The following PRKCH variants were observed in gnomAD, a reference collection of about 807,000 sequenced individuals.
PRKCH encodes protein kinase C eta.
PRKCH carries 28 observed loss-of-function variants against 82.5 expected under a neutral mutation model. That is an observed-to-expected ratio of 0.34 (90% CI 0.25 to 0.47). The LOEUF is 0.47. Among genes scored for constraint, PRKCH ranks in the 20% least tolerant of loss-of-function variants. The pLI is 1.00. For missense variants in PRKCH, 705 were observed against 881.8 expected (o/e 0.80, Z 2.54); for synonymous variants, 322 against 327.4 (o/e 0.98, Z 0.18).
intron 10 of PRKCH, among the ~76,000 whole-genome samples, chr14:61,503,392 C>T (rs906770752): frequency 2.6e-5 from 4 of 151,808 alleles, no homozygotes; most frequent in Non-Finnish European, 1.5e-5. Context: ...TGAGGTCTGC[C>T]ACATATGCCG....
chr14:61,237,834 A>T (rs2044803942), intron 1 of PRKCH, among the ~76,000 whole-genome samples: 1 of 152,226 alleles, frequency 6.6e-6, no homozygotes, highest in Admixed American at 6.5e-5. Context: ...CATCTTGGGC[A>T]CTTGCGGTCA....
Position 61,477,508 on chromosome 14 carries a change from G to C in PRKCH, c.1279-7994G>C, listed in dbSNP as rs557155350. On this transcript the variant is annotated intron_variant, in intron 9 of 13. Coordinates refer to ENST00000332981, the MANE Select transcript of PRKCH (RefSeq NM_006255.5). ...ATCTTTGCAATCTGGTTCTGAGATT[G>C]AATCAACTTTATAGAAAGGAAGAAT... Among the ~76,000 whole-genome samples, 8 of 152,240 alleles carry C rather than the reference G, an allele frequency of 5.3e-5. No individual in the cohort carries two copies. In the South Asian group the frequency reaches 1.4e-3, roughly 28 times the overall value.
At chr14:61,209,281 A>G (rs2044550892) in intron 1 of PRKCH, among the ~76,000 whole-genome samples, 1 of 149,532 alleles carries the variant, frequency 6.7e-6, no homozygotes, top group South Asian at 2.1e-4. Flanking sequence ...TTACAACAAT[A>G]CAAAATGGAC....
Position 61,471,596 on chromosome 14 carries a change from C to T in PRKCH, c.1279-13906C>T, listed in dbSNP as rs1163645513. Among the ~76,000 whole-genome samples the T allele has an allele frequency of 2.0e-5, 3 of 151,928 alleles. No homozygotes were observed. The South Asian group carries it at 6.2e-4, about 31-fold the overall frequency. ...TCCACATTGCTCAGAACTTTGCCGT[C>T]ACCTTCTTGACCCTCACCAACAGGT... On this transcript the variant is annotated intron_variant, in intron 9 of 13. Coordinates refer to ENST00000332981, the MANE Select transcript of PRKCH (RefSeq NM_006255.5).
intron 1 of PRKCH, among the ~76,000 whole-genome samples, chr14:61,210,607 A>G (rs1313733426): frequency 6.6e-6 from 1 of 152,204 alleles, no homozygotes; most frequent in Non-Finnish European, 1.5e-5. Context: ...ACAAAATGAA[A>G]AACATTGATT....
intron 1 of PRKCH, among the ~76,000 whole-genome samples, chr14:61,260,530 CAT>C (rs1372809798): frequency 6.6e-6 from 1 of 152,194 alleles, no homozygotes; most frequent in Non-Finnish European, 1.5e-5. Context: ...TTCATCTAAA[CAT>C]ATGCACACCT....
At chr14:61,482,375 G>A (rs180984331) in intron 9 of PRKCH, among the ~76,000 whole-genome samples, 3 of 152,318 alleles carry the variant, frequency 2.0e-5, no homozygotes, top group Non-Finnish European at 4.4e-5. Context: ...AGAAATTGCT[G>A]CCAAATCTTT....
intron 1 of PRKCH, among the ~76,000 whole-genome samples, chr14:61,294,820 G>C (rs958544251): frequency 2.0e-5 from 3 of 152,112 alleles, no homozygotes; most frequent in Admixed American, 2.0e-4. Context: ...ATATCTCTTA[G>C]TGGTCAGGCT....
rs530832226 is a variant in PRKCH, at chr14:61,417,065, T to C, written c.427+25777T>C. Among the ~76,000 whole-genome samples the C allele has an allele frequency of 2.0e-5, 3 of 152,326 alleles. No homozygotes were observed. The East Asian group carries it at 5.8e-4, about 29-fold the overall frequency. Reference sequence around the variant, plus strand: ...ACTGATATGATATTTATAAGGGCTGTACATAGGAGCCCTGAAATTCTGTCT... The same window carrying C: ...ACTGATATGATATTTATAAGGGCTGCACATAGGAGCCCTGAAATTCTGTCT... On this transcript the variant is annotated intron_variant, in intron 2 of 13. Coordinates refer to ENST00000332981, the MANE Select transcript of PRKCH (RefSeq NM_006255.5).
intron 10 of PRKCH, among the ~76,000 whole-genome samples, chr14:61,516,623 G>A (rs1434353044): frequency 6.6e-6 from 1 of 152,256 alleles, no homozygotes; most frequent in East Asian, 1.9e-4. Flanking sequence ...CGGAGTGAGT[G>A]CTCAAGAAGT....
intron 1 of PRKCH, among the ~76,000 whole-genome samples, chr14:61,253,790 T>C (rs2044969929): frequency 1.3e-5 from 2 of 152,152 alleles, no homozygotes; most frequent in South Asian, 4.1e-4. Flanking sequence ...CAAAATTGGA[T>C]TGGTTGTAGT....
intron 10 of PRKCH, among the ~76,000 whole-genome samples, chr14:61,520,174 A>G (rs182017324): frequency 6.6e-6 from 1 of 152,308 alleles, no homozygotes; most frequent in African/African-American, 2.4e-5. Flanking sequence ...TTCCTGTAGG[A>G]AATTTAGAAA....
chr14:61,531,395 G>T (rs898089801), intron 12 of PRKCH, among the ~76,000 whole-genome samples: 1 of 152,212 alleles, frequency 6.6e-6, no homozygotes, highest in Non-Finnish European at 1.5e-5. Context: ...TATTCTGTTG[G>T]ATAGTATCTA....
intron 1 of PRKCH, among the ~76,000 whole-genome samples, chr14:61,226,509 T>C (rs78940766): frequency 1.5e-3 from 221 of 152,322 alleles, no homozygotes; most frequent in African/African-American, 4.9e-3. Flanking sequence ...ATATTTCAAT[T>C]GGCTTATACC....
intron 1 of PRKCH, among the ~76,000 whole-genome samples, chr14:61,224,793 A>G (rs1490915238): frequency 3.3e-5 from 5 of 152,020 alleles, no homozygotes; most frequent in Non-Finnish European, 7.4e-5. Context: ...CTCTCTTTTC[A>G]TGTTCCACTC....
intron 1 of PRKCH, among the ~76,000 whole-genome samples, chr14:61,221,093 G>C (rs774546889): frequency 6.6e-6 from 1 of 152,072 alleles, no homozygotes; most frequent in South Asian, 2.1e-4. Context: ...GACAAAGGTG[G>C]GGGTTTCAGA....
intron 10 of PRKCH, among the ~76,000 whole-genome samples, chr14:61,506,585 A>G (rs574644310): frequency 7.8e-4 from 119 of 152,186 alleles, no homozygotes; most frequent in Non-Finnish European, 1.4e-3. Context: ...GTTGCTCTTC[A>G]GAATTCCATG....
At chr14:61,349,501 G>A (rs2046042461) in intron 1 of PRKCH, among the ~76,000 whole-genome samples, 1 of 152,154 alleles carries the variant, frequency 6.6e-6, no homozygotes, top group African/African-American at 2.4e-5. Flanking sequence ...GGGTACAGCT[G>A]CTGTCTGCAG....
At chr14:61,400,852 A>G (rs1881571137) in intron 2 of PRKCH, among the ~76,000 whole-genome samples, 1 of 152,144 alleles carries the variant, frequency 6.6e-6, no homozygotes, top group African/African-American at 2.4e-5. Context: ...CAGAGACGCT[A>G]ATTTACTATG....
Sources: allele counts gnomAD v4.1 joint callset (sites outside exome capture counted in the v4.1 genomes callset), GRCh38; gene constraint gnomAD v4.1.1; transcripts MANE v1.5; gene names NCBI Gene and HGNC (gene_info 2026-07-23, HGNC 2026-07-21).